GNA14: variants seen among roughly 807,000 people sequenced by gnomAD.
The protein encoded by GNA14 is G protein subunit alpha 14.
A neutral mutation model predicts 42.0 loss-of-function variants in GNA14; 50 were observed. That is an observed-to-expected ratio of 1.19 (90% CI 0.95 to 1.51). GNA14 has a LOEUF of 1.51. GNA14 is among the 40% of genes most tolerant of loss of function. The pLI is 0.00. For missense variants in GNA14, 473 were observed against 446.2 expected, an observed-to-expected ratio of 1.06 and a Z score of -0.54; for synonymous variants, 173 against 163.1, an observed-to-expected ratio of 1.06 and a Z score of -0.46.
chr9:77,489,812 C>T (rs181023033), intron 2 of GNA14, among the ~76,000 whole-genome samples: 201 of 152,230 alleles, frequency 1.3e-3, no homozygotes, highest in Middle Eastern at 3.4e-3. Context: ...AGTGTTACAG[C>T]TCATAAAAGC....
intron 2 of GNA14, chr9:77,517,673 C>T (rs1381717292): frequency 1.7e-5 from 2 of 118,918 alleles, no homozygotes; most frequent in African/African-American, 6.4e-5. Context: ...GTGGTGTAAT[C>T]ATGGCTCACT....
At chr9:77,565,930 C>T (rs776363064) in intron 1 of GNA14, among the ~76,000 whole-genome samples, 7 of 152,048 alleles carry the variant, frequency 4.6e-5, no homozygotes, top group Non-Finnish European at 8.8e-5. Context: ...ATCAGTTGTT[C>T]TCAATGGGAT....
intron 1 of GNA14, among the ~76,000 whole-genome samples, chr9:77,617,019 A>C (rs990308272): frequency 2.6e-5 from 4 of 151,792 alleles, no homozygotes; most frequent in African/African-American, 9.7e-5. Flanking sequence ...ACAGGCACCC[A>C]CCACCACGAC....
intron 1 of GNA14, among the ~76,000 whole-genome samples, chr9:77,615,847 T>C (rs1823804600): frequency 7.2e-6 from 1 of 138,668 alleles, no homozygotes; most frequent in South Asian, 2.2e-4. Flanking sequence ...CTTTTGGTTT[T>C]TGTTTTTTTG....
intron 1 of GNA14, among the ~76,000 whole-genome samples, chr9:77,639,473 A>G (rs1446240014): frequency 1.3e-5 from 2 of 152,218 alleles, no homozygotes; most frequent in African/African-American, 4.8e-5. Context: ...CTGGCTCCAA[A>G]GAACATGCTA....
chr9:77,629,018 C>T (rs763768507), intron 1 of GNA14, among the ~76,000 whole-genome samples: 1 of 151,910 alleles, frequency 6.6e-6, no homozygotes, highest in Admixed American at 6.6e-5. Flanking sequence ...CCAGAATCTA[C>T]AAGGAATTTA....
chr9:77,500,273 C>T (rs533036635), intron 2 of GNA14, among the ~76,000 whole-genome samples: 132 of 152,312 alleles, frequency 8.7e-4, no homozygotes, highest in African/African-American at 2.8e-3. Context: ...CTGCCTCAGC[C>T]TCCCAGAGTG....
chr9:77,486,160 C>G (rs1415868824), intron 2 of GNA14, among the ~76,000 whole-genome samples: 1 of 152,182 alleles, frequency 6.6e-6, no homozygotes, highest in African/African-American at 2.4e-5. Flanking sequence ...ATCATCTTAG[C>G]TAGATATTTT....
intron 2 of GNA14, among the ~76,000 whole-genome samples, chr9:77,455,968 G>A (rs924866728): frequency 6.6e-6 from 1 of 152,064 alleles, no homozygotes; most frequent in African/African-American, 2.4e-5. Flanking sequence ...CTATTTTAAG[G>A]TAGACAGTCT....
chr9:77,646,447 A>AC lies in GNA14; in HGVS notation c.124+1222dup, dbSNP rs1254911438. 1.3e-5 allele frequency among the ~76,000 whole-genome samples: 2 copies of AC among 151,752 alleles called. 1 individual carries two copies. The highest frequency in any genetic ancestry group is 2.9e-5 in the Non-Finnish European group (2 of 67,938). ...GTGGGGAGGGGCACACCCCCCCCCA[A>AC]CCCCCAGAAGGCCAGACTGGGCCCT... On this transcript the variant is annotated intron_variant, in intron 1 of 6. Transcript: ENST00000341700.
chr9:77,464,548 A>AT (rs201877812), intron 2 of GNA14, among the ~76,000 whole-genome samples: 1,799 of 151,862 alleles, frequency 0.012, 16 homozygotes, highest in South Asian at 0.02. Context: ...TTTTAAAAAC[A>AT]TTTTTTTTGA....
At chr9:77,620,246 A>T (rs1823899054) in intron 1 of GNA14, among the ~76,000 whole-genome samples, 1 of 152,192 alleles carries the variant, frequency 6.6e-6, no homozygotes, top group Non-Finnish European at 1.5e-5. Context: ...ACTGATGAGG[A>T]GCCTCTGTGA....
At chr9:77,562,471 A>C (rs1822899534) in intron 1 of GNA14, among the ~76,000 whole-genome samples, 1 of 152,166 alleles carries the variant, frequency 6.6e-6, no homozygotes, top group Admixed American at 6.5e-5. Context: ...TATTTTAGGA[A>C]GTAGAAAGTA....
intron 2 of GNA14, among the ~76,000 whole-genome samples, chr9:77,487,079 T>C (rs1836674480): frequency 6.6e-6 from 1 of 150,908 alleles, no homozygotes; most frequent in African/African-American, 2.4e-5. Context: ...TAGAATGAGG[T>C]ATGCTTGTAT....
At chr9:77,621,545 G>C (rs544300513) in intron 1 of GNA14, among the ~76,000 whole-genome samples, 2 of 152,004 alleles carry the variant, frequency 1.3e-5, no homozygotes, top group African/African-American at 4.8e-5. Context: ...GTTGGCTTAC[G>C]TAAAACAAAC....
At chr9:77,460,338 G>A (rs1476877597) in intron 2 of GNA14, among the ~76,000 whole-genome samples, 1 of 152,234 alleles carries the variant, frequency 6.6e-6, no homozygotes, top group Non-Finnish European at 1.5e-5. Flanking sequence ...GGAACACCAA[G>A]GGTTGCCGGC....
chr9:77,630,969 G>A (rs1022796778), intron 1 of GNA14, among the ~76,000 whole-genome samples: 1 of 152,134 alleles, frequency 6.6e-6, no homozygotes, highest in African/African-American at 2.4e-5. Flanking sequence ...CCTTAGGATT[G>A]CAAAAAATTT....
intron 2 of GNA14, among the ~76,000 whole-genome samples, chr9:77,483,486 G>A (rs1057294918): frequency 3.9e-5 from 6 of 152,174 alleles, no homozygotes; most frequent in Admixed American, 2.6e-4. Flanking sequence ...CCCGTAATAG[G>A]GGGTGCCTCC....
chr9:77,431,355 CAAT>C lies in GNA14; in HGVS notation c.556_558del (p.Ile186del), dbSNP rs754671726. 806 of 1,613,850 alleles carry C rather than the reference CAAT, an allele frequency of 5.0e-4. 8 individuals carry two copies. The highest frequency in any genetic ancestry group is 1.8e-4 in the Non-Finnish European group (210 of 1,179,846). ...ATGTTTTCCAAGTCAAATGGATACTCAATGATGCCGGTGGTGGGCACTCGGACG... is the reference window on the plus strand; with the variant it reads ...ATGTTTTCCAAGTCAAATGGATACTCGATGCCGGTGGTGGGCACTCGGACG... On this transcript the variant is annotated inframe_deletion, in exon 4 of 7. Transcript: ENST00000341700.
Sources: allele counts gnomAD v4.1 joint callset (sites outside exome capture counted in the v4.1 genomes callset), GRCh38; gene constraint gnomAD v4.1.1; transcripts MANE v1.5; gene names NCBI Gene and HGNC (gene_info 2026-07-23, HGNC 2026-07-21).